Variants in SLAMF1 observed in about 807,000 individuals in gnomAD.
The protein encoded by SLAMF1 is signaling lymphocytic activation molecule.
A neutral mutation model predicts 35.1 loss-of-function variants in SLAMF1; 18 were observed. The ratio of observed to expected loss-of-function variants is 0.51; its 90% CI spans 0.35 to 0.76. The LOEUF (loss-of-function observed/expected upper bound fraction) is 0.76. Among genes scored for constraint, SLAMF1 ranks in the 30% least tolerant of loss-of-function variants. The pLI is 0.01. For missense variants in SLAMF1, 392 were observed against 413.0 expected (o/e 0.95, Z 0.44); for synonymous variants, 168 against 157.2 (o/e 1.07, Z -0.51).
chr1:160,636,203 A>T (rs1027174608), intron 2 of SLAMF1, among the ~76,000 whole-genome samples: 1 of 152,188 alleles, frequency 6.6e-6, no homozygotes, highest in Non-Finnish European at 1.5e-5. Flanking sequence ...CTCCACGCTC[A>T]TGGCAGTCGT....
chr1:160,633,135 C>T (rs2102331412), intron 3 of SLAMF1, among the ~76,000 whole-genome samples: 1 of 152,288 alleles, frequency 6.6e-6, no homozygotes, highest in South Asian at 2.1e-4. Flanking sequence ...CTTCCGGGGT[C>T]ACATTCTGTA....
At chr1:160,622,813 C>T (rs1360688789) in intron 4 of SLAMF1, among the ~76,000 whole-genome samples, 1 of 152,214 alleles carries the variant, frequency 6.6e-6, no homozygotes, top group African/African-American at 2.4e-5. Flanking sequence ...TTCTCCTGGA[C>T]ATGAAATTGC....
intron 5 of SLAMF1, among the ~76,000 whole-genome samples, chr1:160,616,954 G>A (rs114507085): frequency 0.011 from 1,631 of 152,096 alleles, 14 homozygotes; most frequent in East Asian, 0.026. Flanking sequence ...TCAGGAGTTC[G>A]AGACCACCCT....
chr1:160,622,078 T>C (rs1006075264), intron 4 of SLAMF1, among the ~76,000 whole-genome samples: 1 of 152,118 alleles, frequency 6.6e-6, no homozygotes, highest in Non-Finnish European at 1.5e-5. Flanking sequence ...CAGAGTCAAA[T>C]GTAGAACTGG....
chr1:160,611,663 G>C (rs1658993959), intron 6 of SLAMF1, among the ~76,000 whole-genome samples: 1 of 152,186 alleles, frequency 6.6e-6, no homozygotes. Context: ...AAAGATTCCT[G>C]TCCGAAGTAA....
chr1:160,623,869 GA>G (rs1436942468), intron 4 of SLAMF1, among the ~76,000 whole-genome samples: 2 of 152,150 alleles, frequency 1.3e-5, no homozygotes, highest in African/African-American at 4.8e-5. Context: ...TCTCACATTA[GA>G]AACCTGTGGC....
At chr1:160,634,587 AC>A in intron 3 of SLAMF1, 25 bp downstream of exon 3, 3 of 1,568,246 alleles carry the variant, frequency 1.9e-6, no homozygotes, top group Non-Finnish European at 2.6e-6. Flanking sequence ...TTAAGGTGGC[AC>A]ACAGGCTGCC....
chr1:160,643,754 T>C (rs1469457151), intron 1 of SLAMF1, among the ~76,000 whole-genome samples: 2 of 152,250 alleles, frequency 1.3e-5, no homozygotes, highest in African/African-American at 4.8e-5. Flanking sequence ...CTCTTTTCTT[T>C]ATGCTAAGAA....
chr1:160,643,710 G>A lies in SLAMF1; in HGVS notation c.76+3160C>T, dbSNP rs141841623. ...TCACATGTTGTGTAAAGATCAAATC[G>A]GGTTAATTGGGATATGTATCACCTT... On this transcript the variant is annotated intron_variant, in intron 1 of 6. Coordinates refer to ENST00000302035, the MANE Select transcript of SLAMF1 (RefSeq NM_003037.5). Among the ~76,000 whole-genome samples, 32 of 152,276 alleles carry A rather than the reference G, an allele frequency of 2.1e-4. No individual in the cohort carries two copies. The East Asian group carries it at 4.6e-3, about 22-fold the overall frequency.
intron 6 of SLAMF1, among the ~76,000 whole-genome samples, chr1:160,612,035 G>A (rs892852163): frequency 1.3e-5 from 2 of 151,934 alleles, no homozygotes; most frequent in Admixed American, 1.3e-4. Context: ...TAACAAGTAC[G>A]CTGGCTGATT....
At chr1:160,644,077 G>C (rs1392698800) in intron 1 of SLAMF1, among the ~76,000 whole-genome samples, 1 of 152,102 alleles carries the variant, frequency 6.6e-6, no homozygotes, top group East Asian at 1.9e-4. Flanking sequence ...CCAAATTCCA[G>C]GTCAAATACT....
chr1:160,613,255 T>C (rs1378312731), intron 5 of SLAMF1, among the ~76,000 whole-genome samples: 1 of 152,226 alleles, frequency 6.6e-6, no homozygotes, highest in African/African-American at 2.4e-5. Flanking sequence ...TCCTCAGGTA[T>C]TTAAAGTCTA....
chr1:160,612,724 G>A, intron 5 of SLAMF1, 144 bp from the exon 6 acceptor site: 1 of 584,074 alleles, frequency 1.7e-6, no homozygotes. Flanking sequence ...TCTCAGGTGG[G>A]AATTCTCCCC....
chr1:160,613,350 GA>G (rs1659102143), intron 5 of SLAMF1, among the ~76,000 whole-genome samples: 1 of 152,048 alleles, frequency 6.6e-6, no homozygotes, highest in Non-Finnish European at 1.5e-5. Flanking sequence ...CATTCCTTGA[GA>G]AATAAGCCAT....
intron 1 of SLAMF1, among the ~76,000 whole-genome samples, chr1:160,638,292 A>G (rs1660558549): frequency 6.6e-6 from 1 of 151,890 alleles, no homozygotes; most frequent in Non-Finnish European, 1.5e-5. Context: ...TTTTTGTTTC[A>G]CTGAAGTATA....
chr1:160,641,119 TG>T, intron 1 of SLAMF1, among the ~76,000 whole-genome samples: 1 of 152,208 alleles, frequency 6.6e-6, no homozygotes, highest in South Asian at 2.1e-4. Context: ...TGTGCAAGTA[TG>T]AACTTCCAGA....
At chr1:160,645,930 T>A (rs987689465) in intron 1 of SLAMF1, among the ~76,000 whole-genome samples, 2 of 152,004 alleles carry the variant, frequency 1.3e-5, no homozygotes, top group Non-Finnish European at 2.9e-5. Context: ...GGCCTCAGGA[T>A]TTCCCCCCGT....
intron 1 of SLAMF1, among the ~76,000 whole-genome samples, chr1:160,644,402 T>C (rs573518617): frequency 1.3e-5 from 2 of 152,310 alleles, no homozygotes; most frequent in East Asian, 1.9e-4. Flanking sequence ...AATACATACA[T>C]TTCTTATAGG....
At chr1:160,630,950 C>T (rs573076676) in intron 3 of SLAMF1, among the ~76,000 whole-genome samples, 18 of 152,220 alleles carry the variant, frequency 1.2e-4, no homozygotes, top group Admixed American at 4.6e-4. Context: ...TCTAATCCCC[C>T]GAGACAGTGT....
Sources: allele counts gnomAD v4.1 joint callset (sites outside exome capture counted in the v4.1 genomes callset), GRCh38; gene constraint gnomAD v4.1.1; transcripts MANE v1.5; gene names NCBI Gene and HGNC (gene_info 2026-07-23, HGNC 2026-07-21).